Variants in FER observed in about 807,000 individuals in gnomAD.
The protein encoded by FER is tyrosine-protein kinase Fer.
In FER, 63 loss-of-function variants were observed where a neutral mutation model predicts 111.0. That is an observed-to-expected ratio of 0.57 (90% CI 0.46 to 0.70). The LOEUF (loss-of-function observed/expected upper bound fraction) is 0.70. Ranked by LOEUF, FER falls within the 30% of genes least tolerant of loss-of-function variation. The pLI, the probability that FER is intolerant of heterozygous loss-of-function variation, is 0.00. For missense variants in FER, 914 were observed against 954.0 expected (o/e 0.96, Z 0.55); for synonymous variants, 327 against 313.9 (o/e 1.04, Z -0.44).
intron 14 of FER, among the ~76,000 whole-genome samples, chr5:109,042,550 C>G (rs1771328803): frequency 6.6e-6 from 1 of 152,132 alleles, no homozygotes; most frequent in Admixed American, 6.6e-5. Flanking sequence ...TTGACATTCT[C>G]TGGATAGTGG....
At position 109,100,382 on chromosome 5, in the gene FER, A is replaced by G. The variant is rs770305437; in HGVS notation, c.1925-14A>G. 40 of 1,608,640 alleles carry G rather than the reference A, an allele frequency of 2.5e-5. No homozygotes were observed. Among genetic ancestry groups the G allele is most frequent in the East Asian group, 6.7e-5 (3 of 44,704 alleles). On this transcript the variant is annotated splice_polypyrimidine_tract_variant and intron_variant, in intron 16 of 19. Coordinates refer to ENST00000281092, the MANE Select transcript of FER (RefSeq NM_005246.4). ...CATAACTTTGTCTCATTGTTCATCT[A>G]TCAATTCCTCTAGGAGGTGATTTCC...
At chr5:109,096,696 C>T (rs1304855221) in intron 16 of FER, among the ~76,000 whole-genome samples, 1 of 151,776 alleles carries the variant, frequency 6.6e-6, no homozygotes, top group East Asian at 1.9e-4. Context: ...GAACCAATCA[C>T]TTGGGCAGGG....
chr5:108,865,853 C>T (rs554712590), intron 5 of FER, among the ~76,000 whole-genome samples: 2 of 152,280 alleles, frequency 1.3e-5, no homozygotes, highest in Admixed American at 6.5e-5. Context: ...CATCACTGGC[C>T]ATCAGAGAAA....
chr5:108,785,394 A>C, intron 2 of FER: 1 of 587,470 alleles, frequency 1.7e-6, no homozygotes, highest in Non-Finnish European at 3.4e-6. Context: ...TTAGGGGTAA[A>C]TATCATCGTA....
intron 1 of FER, among the ~76,000 whole-genome samples, chr5:108,753,686 C>T (rs573115733): frequency 2.0e-4 from 30 of 152,236 alleles, no homozygotes; most frequent in African/African-American, 7.2e-4. Context: ...TTTCCACCTC[C>T]TACTGAAACG....
intron 17 of FER, among the ~76,000 whole-genome samples, chr5:109,180,114 A>T (rs1758132486): frequency 6.6e-6 from 1 of 152,190 alleles, no homozygotes; most frequent in African/African-American, 2.4e-5. Flanking sequence ...AAAGAAGCCC[A>T]GTATGGATGG....
chr5:108,807,947 C>G (rs1174633729), intron 3 of FER, among the ~76,000 whole-genome samples: 1 of 146,536 alleles, frequency 6.8e-6, no homozygotes, highest in African/African-American at 2.5e-5. Flanking sequence ...TTGGTGTTGA[C>G]TTCTGCTTTT....
intron 2 of FER, among the ~76,000 whole-genome samples, chr5:108,788,767 A>G (rs1755032644): frequency 6.6e-6 from 1 of 152,104 alleles, no homozygotes; most frequent in Admixed American, 6.5e-5. Flanking sequence ...TTAATATTTT[A>G]CCTAAAGGTA....
chr5:108,750,343 G>C (rs936321639), intron 1 of FER, among the ~76,000 whole-genome samples: 1 of 152,008 alleles, frequency 6.6e-6, no homozygotes, highest in Non-Finnish European at 1.5e-5. Flanking sequence ...TTGCCCTTAA[G>C]AAGACATTTG....
chr5:108,855,784 G>A (rs1408885395), intron 5 of FER, among the ~76,000 whole-genome samples: 2 of 152,094 alleles, frequency 1.3e-5, no homozygotes, highest in Non-Finnish European at 2.9e-5. Context: ...TGGTGATTTT[G>A]ACAAGAGAAG....
At chr5:109,048,967 A>T (rs1772371143) in intron 16 of FER, among the ~76,000 whole-genome samples, 1 of 152,106 alleles carries the variant, frequency 6.6e-6, no homozygotes, top group African/African-American at 2.4e-5. Context: ...ATTCAACCGC[A>T]ACTTTATTTG....
chr5:109,112,712 T>C (rs1014168721), intron 17 of FER, among the ~76,000 whole-genome samples: 5 of 152,188 alleles, frequency 3.3e-5, no homozygotes, highest in Admixed American at 3.3e-4. Context: ...GGGAATTAGC[T>C]TTTTTCCCAT....
chr5:108,875,167 G>A (rs1764964904), intron 8 of FER, among the ~76,000 whole-genome samples: 2 of 152,072 alleles, frequency 1.3e-5, no homozygotes, highest in Admixed American at 1.3e-4. Flanking sequence ...TTATTTGTAG[G>A]ATTATCTCCT....
At chr5:108,824,097 G>C (rs1194968756) in intron 3 of FER, among the ~76,000 whole-genome samples, 1 of 151,920 alleles carries the variant, frequency 6.6e-6, no homozygotes, top group Non-Finnish European at 1.5e-5. Context: ...ATATGTGTGG[G>C]TTTATTTTTC....
At chr5:109,053,912 C>T (rs1229639834) in intron 16 of FER, among the ~76,000 whole-genome samples, 1 of 151,894 alleles carries the variant, frequency 6.6e-6, no homozygotes, top group African/African-American at 2.4e-5. Context: ...AGGATGGTCT[C>T]GATCTCCTGA....
intron 1 of FER, among the ~76,000 whole-genome samples, chr5:108,758,219 T>G (rs1254526418): frequency 6.6e-6 from 1 of 152,214 alleles, no homozygotes; most frequent in Non-Finnish European, 1.5e-5. Flanking sequence ...GGATTTAGCT[T>G]ATGGGTACAG....
chr5:109,083,471 T>A (rs1248923991), intron 16 of FER, among the ~76,000 whole-genome samples: 1 of 152,090 alleles, frequency 6.6e-6, no homozygotes, highest in Non-Finnish European at 1.5e-5. Flanking sequence ...CATCTCACTT[T>A]ATCTCCATTT....
At chr5:108,790,365 G>A (rs2150022844) in intron 2 of FER, among the ~76,000 whole-genome samples, 1 of 152,194 alleles carries the variant, frequency 6.6e-6, no homozygotes, top group Admixed American at 6.5e-5. Context: ...TGAAGTTAGA[G>A]AGCTAAAGCT....
At chr5:109,041,626 TGA>T (rs1472703810) in intron 14 of FER, among the ~76,000 whole-genome samples, 1 of 152,134 alleles carries the variant, frequency 6.6e-6, no homozygotes, top group Non-Finnish European at 1.5e-5. Flanking sequence ...TTCAAGAAAC[TGA>T]GAGTTTGAAT....
Sources: gnomAD v4.1 joint callset for allele counts (sites outside exome capture counted in the v4.1 genomes callset) on GRCh38, gnomAD v4.1.1 for gene constraint, MANE v1.5 for transcripts, NCBI Gene and HGNC (gene_info 2026-07-23, HGNC 2026-07-21) for gene names.